OSGIN1: variants seen among roughly 807,000 people sequenced by gnomAD.
The protein encoded by OSGIN1 is oxidative stress induced growth inhibitor 1, also known as oxidative stress-induced growth inhibitor 1.
OSGIN1 carries 19 observed loss-of-function variants against 20.1 expected under a neutral mutation model. The ratio of observed to expected loss-of-function variants is 0.95; its 90% CI spans 0.66 to 1.39. OSGIN1 has a LOEUF of 1.39. Among genes scored for constraint, OSGIN1 ranks in the 40% most tolerant of loss-of-function variants. The pLI is 0.00. For missense variants in OSGIN1, 820 were observed against 653.0 expected (o/e 1.26, Z -2.79); for synonymous variants, 368 against 297.8 (o/e 1.24, Z -2.43).
chr16:83,955,832 C>T (rs1908900206), intron 1 of OSGIN1, among the ~76,000 whole-genome samples: 1 of 152,166 alleles, frequency 6.6e-6, no homozygotes, highest in Non-Finnish European at 1.5e-5. Context: ...GTGTCACCTT[C>T]CTTCTCTCTG....
chr16:83,956,688 G>A (rs532593119), intron 1 of OSGIN1, among the ~76,000 whole-genome samples: 3 of 152,344 alleles, frequency 2.0e-5, no homozygotes, highest in East Asian at 1.9e-4. Flanking sequence ...GTCAGCGTGA[G>A]GCGGATATGA....
intron 3 of OSGIN1, 58 bp downstream of exon 3, chr16:83,959,454 C>T (rs548048241): frequency 1.9e-5 from 28 of 1,492,874 alleles, no homozygotes; most frequent in Admixed American, 1.3e-4. Flanking sequence ...GGAAAACTAC[C>T]GCCGCTTTCC....
chr16:83,959,504 T>A (rs980660778), intron 3 of OSGIN1, 108 bp downstream of exon 3: 31 of 1,135,398 alleles, frequency 2.7e-5, no homozygotes, highest in Middle Eastern at 4.4e-4. Context: ...GAAACAAGAC[T>A]AAACAAAGAA....
In OSGIN1 at chr16:83,965,646, A is replaced by T. The variant is rs1481799294; in HGVS notation, c.1073A>T (p.Tyr358Phe). Residue 358 changes from tyrosine to phenylalanine, a missense_variant, in exon 6 of 6, where the codon TAC becomes TTC. Transcript: ENST00000393306. ...CTGTCGCCCAGCCCCTATGAGGGTT[A>T]CCGCAGCCTCCCCAGGCACCAGCTG... ...SILSPSPYEG[Y>F]RSLPRHQLLC... is the part of the protein sequence containing the mutation. 2.3e-5 allele frequency: 37 copies of T among 1,613,238 alleles called. No individual in the cohort carries two copies. The highest frequency in any genetic ancestry group is 3.1e-5 in the Non-Finnish European group (37 of 1,180,016).
intron 5 of OSGIN1, among the ~76,000 whole-genome samples, chr16:83,964,528 G>C (rs2084253981): frequency 6.6e-6 from 1 of 151,954 alleles, no homozygotes. Context: ...CCATAGATGA[G>C]TTCTGCCTGT....
In OSGIN1 at chr16:83,964,683, G is replaced by A. The variant is rs568070018; in HGVS notation, c.489-379G>A. 3.2e-4 allele frequency among the ~76,000 whole-genome samples: 48 copies of A among 152,124 alleles called. No individual in the cohort carries two copies. In the South Asian group the frequency reaches 6.0e-3, roughly 19 times the overall value. On this transcript the variant is annotated intron_variant, in intron 5 of 5. Coordinates refer to ENST00000393306, the MANE Select transcript of OSGIN1 (RefSeq NM_182981.3). Reference sequence around the variant, plus strand: ...TGTCAGCTCACCAAATCCTCCCCACGACCTCACGAAATAGGTCCTGCCACC... The same window carrying A: ...TGTCAGCTCACCAAATCCTCCCCACAACCTCACGAAATAGGTCCTGCCACC...
At chr16:83,965,007 AGC>A in intron 5 of OSGIN1, 53 bp from the exon 6 acceptor site, 4 of 475,796 alleles carry the variant, frequency 8.4e-6, no homozygotes, top group East Asian at 4.4e-5. Context: ...CGTCCCACCC[AGC>A]CCCCCAACCC....
At chr16:83,961,638 G>A (rs1247050744) in intron 5 of OSGIN1, among the ~76,000 whole-genome samples, 1 of 152,186 alleles carries the variant, frequency 6.6e-6, no homozygotes, top group Admixed American at 6.5e-5. Context: ...TTCTTCCAGA[G>A]GGGGAAACTG....
chr16:83,965,440 C>A lies in OSGIN1; in HGVS notation c.867C>A (p.Leu289=). The change falls in exon 6 of 6, where the codon CTC becomes CTA. Residue 289 remains leucine (L), a synonymous_variant. Transcript: ENST00000393306. ...GAVTPASDPV[L]IIGAGLSAAD... ...TGACCCCGGCCTCAGACCCTGTCCT[C>A]ATCATTGGCGCGGGGCTGTCAGCGG... 6.3e-7 allele frequency: 1 copy of A among 1,593,938 alleles called. No individual in the cohort carries two copies. The highest frequency in any genetic ancestry group is 8.5e-7 in the Non-Finnish European group (1 of 1,174,106).
At chr16:83,961,435 C>T (rs768571744) in intron 5 of OSGIN1, among the ~76,000 whole-genome samples, 4 of 152,024 alleles carry the variant, frequency 2.6e-5, no homozygotes, top group South Asian at 2.1e-4. Context: ...CCAAATGAGG[C>T]GATCAGATAC....
chr16:83,964,086 T>G (rs1438640964), intron 5 of OSGIN1, among the ~76,000 whole-genome samples: 1 of 152,150 alleles, frequency 6.6e-6, no homozygotes, highest in East Asian at 1.9e-4. Context: ...GGTGGATCAC[T>G]TGAGGTCAAG....
chr16:83,961,599 C>T (rs902436439), intron 5 of OSGIN1, among the ~76,000 whole-genome samples: 1 of 152,194 alleles, frequency 6.6e-6, no homozygotes, highest in African/African-American at 2.4e-5. Flanking sequence ...GGTACAGGGG[C>T]TTCAGAGTGC....
chr16:83,957,536 C>T (rs824396), intron 1 of OSGIN1, 104 bp from the exon 2 acceptor site: 51,446 of 681,760 alleles, frequency 0.075, 2,339 homozygotes, highest in South Asian at 0.14. Flanking sequence ...CCGGACCAGA[C>T]CCTGAGGGCC....
chr16:83,965,687 G>A lies in OSGIN1; in HGVS notation c.1114G>A (p.Asp372Asn). The change falls in exon 6 of 6, where the codon GAC becomes AAC. Residue 372 changes from aspartate to asparagine, a missense_variant. Transcript: ENST00000393306. ...PRHQLLCFKE[D>N]CQAVFQDLEG... ...GCACCAGCTGCTGTGCTTCAAGGAA[G>A]ACTGCCAGGCCGTGTTCCAGGACCT... 6.2e-7 allele frequency: 1 copy of A among 1,613,632 alleles called. No individual in the cohort carries two copies. Among genetic ancestry groups the A allele is most frequent in the Non-Finnish European group, 8.5e-7 (1 of 1,180,028 alleles).
intron 3 of OSGIN1, among the ~76,000 whole-genome samples, chr16:83,959,998 C>T (rs1909126973): frequency 6.6e-6 from 1 of 152,204 alleles, no homozygotes; most frequent in Admixed American, 6.5e-5. Context: ...CTCCCCTTGT[C>T]GACCTCCCTC....
intron 1 of OSGIN1, among the ~76,000 whole-genome samples, chr16:83,955,773 T>C (rs1279487422): frequency 6.6e-6 from 1 of 152,060 alleles, no homozygotes; most frequent in Non-Finnish European, 1.5e-5. Context: ...CCTGGGGTCT[T>C]GTAGGGAGCT....
At chr16:83,954,951 G>C (rs940426862) in intron 1 of OSGIN1, among the ~76,000 whole-genome samples, 8 of 152,238 alleles carry the variant, frequency 5.3e-5, no homozygotes, top group African/African-American at 1.9e-4. Context: ...CTCGTTTGGT[G>C]AAGGGGCTGG....
chr16:83,954,957 G>A (rs949056040), intron 1 of OSGIN1, among the ~76,000 whole-genome samples: 7 of 152,208 alleles, frequency 4.6e-5, no homozygotes, highest in African/African-American at 1.7e-4. Flanking sequence ...TGGTGAAGGG[G>A]CTGGGGTGCC....
Position 83,966,029 on chromosome 16 carries a change from T to G in OSGIN1, c.*22T>G. On this transcript the variant is annotated 3_prime_UTR_variant, in exon 6 of 6. Transcript: ENST00000393306. ...CTAACACTCGGCCAGACCCGCTGGCTCCCAGGCCCTGAGAGGACAGAGATG... is the reference window on the plus strand; with the variant it reads ...CTAACACTCGGCCAGACCCGCTGGCGCCCAGGCCCTGAGAGGACAGAGATG... 1 of 1,485,506 alleles carries G rather than the reference T, an allele frequency of 6.7e-7. No individual in the cohort carries two copies. The highest frequency in any genetic ancestry group is 9.0e-7 in the Non-Finnish European group (1 of 1,112,396). 92.0% of individuals were successfully genotyped at this position (1,485,506 alleles called of 1,614,324 possible).
Sources: gnomAD v4.1 joint callset for allele counts (sites outside exome capture counted in the v4.1 genomes callset) on GRCh38, gnomAD v4.1.1 for gene constraint, MANE v1.5 for transcripts, NCBI Gene and HGNC (gene_info 2026-07-23, HGNC 2026-07-21) for gene names.